DRAM2: variants seen among roughly 807,000 people sequenced by gnomAD.
DRAM2 encodes DNA damage regulated autophagy modulator 2.
Under a neutral mutation model 33.5 loss-of-function variants are expected in DRAM2, and 26 were observed. That is an observed-to-expected ratio of 0.78 (90% CI 0.57 to 1.08). The LOEUF is 1.08. Among genes scored for constraint, DRAM2 ranks in the 50% least tolerant of loss-of-function variants. The pLI, the probability that DRAM2 is intolerant of heterozygous loss-of-function variation, is 0.00. For synonymous variants in DRAM2, 98 were observed against 109.5 expected (o/e 0.89, Z 0.66); for missense variants, 311 against 318.1 (o/e 0.98, Z 0.17).
intron 4 of DRAM2, among the ~76,000 whole-genome samples, chr1:111,126,656 A>AAC (rs1491451747): frequency 1.4e-5 from 1 of 73,176 alleles, no homozygotes; most frequent in African/African-American, 7.8e-5. Flanking sequence ...GGCTTTTCAC[A>AAC]ACTGCCTTTT....
chr1:111,139,788 T>G (rs1253753765), intron 1 of DRAM2, 122 bp from the exon 2 acceptor site: 1 of 152,722 alleles, frequency 6.5e-6, no homozygotes, highest in South Asian at 2.1e-4. Flanking sequence ...TGAGCCCAGC[T>G]GCACTCATCC....
At chr1:111,133,621 C>T (rs932521179) in intron 3 of DRAM2, among the ~76,000 whole-genome samples, 4 of 152,218 alleles carry the variant, frequency 2.6e-5, no homozygotes, top group African/African-American at 9.7e-5. Flanking sequence ...ACCTTAAATA[C>T]ATGAAATAAT....
chr1:111,119,915 C>T lies in DRAM2; in HGVS notation c.562G>A (p.Asp188Asn). The T allele has an allele frequency of 1.9e-6, 3 of 1,612,870 alleles. No homozygotes were observed. The highest frequency in any genetic ancestry group is 2.5e-6 in the Non-Finnish European group (3 of 1,179,146). The change falls in exon 8 of 10, where the codon GAT becomes AAT. Residue 188 changes from aspartate (D) to asparagine (N), a missense_variant. Transcript: ENST00000484310. ...TTCCAATGGAGTTTCTGTTCTAAAT[C>T]AGTCCCAAAATTGCCACTGTGCAAA... is the stretch of plus-strand genomic sequence containing the variant. ...SVLHSGNFGTDLEQKLHWNPE... is the reference protein window; with the variant it reads ...SVLHSGNFGTNLEQKLHWNPE...
At chr1:111,123,834 T>G (rs1650488392) in intron 6 of DRAM2, among the ~76,000 whole-genome samples, 1 of 152,136 alleles carries the variant, frequency 6.6e-6, no homozygotes, top group Non-Finnish European at 1.5e-5. Flanking sequence ...CTTCCTCCCT[T>G]GCCATGTGAG....
intron 8 of DRAM2, 102 bp from the exon 9 acceptor site, chr1:111,118,999 G>C: frequency 1.3e-6 from 1 of 781,172 alleles, no homozygotes; most frequent in Non-Finnish European, 1.9e-6. Context: ...AAATAATGGA[G>C]CTTCTGAAAA....
chr1:111,130,739 T>C (rs1298162071), intron 4 of DRAM2, among the ~76,000 whole-genome samples: 1 of 139,386 alleles, frequency 7.2e-6, no homozygotes, highest in African/African-American at 2.7e-5. Context: ...CTCACACCTG[T>C]TAATTCCAGC....
At chr1:111,124,954 C>A in intron 5 of DRAM2, 73 bp from the exon 6 acceptor site, 1 of 1,314,894 alleles carries the variant, frequency 7.6e-7, no homozygotes. Context: ...GAAGAGTTCA[C>A]AAAGGTCACT....
intron 6 of DRAM2, among the ~76,000 whole-genome samples, chr1:111,122,978 A>G (rs1198263692): frequency 6.6e-6 from 1 of 152,214 alleles, no homozygotes; most frequent in Non-Finnish European, 1.5e-5. Flanking sequence ...TGTGGGTGCT[A>G]TCAAGAACTG....
Position 111,118,816 on chromosome 1 carries a change from G to A in DRAM2, c.682C>T (p.Arg228Cys), listed in dbSNP as rs1006789754. The stretch of plus-strand genomic sequence containing the variant: ...TTGTGCCTTCTTACCTGAAAATCAC[G>A]AATGTAAGTCAGGAAAAAACCAAAG... ...SFFGFFLTYI[R>C]DFQKISLRVE... Residue 228 changes from arginine to cysteine, a missense_variant, in exon 9 of 10, where the codon CGT (arginine) becomes TGT (cysteine). By Grantham distance (180) the Arg-to-Cys change is radical. Transcript: ENST00000484310. The A allele has an allele frequency of 3.1e-6, 5 of 1,606,124 alleles. No individual in the cohort carries two copies. Among genetic ancestry groups the A allele is most frequent in the East Asian group, 2.3e-5 (1 of 44,404 alleles).
chr1:111,133,170 T>C (rs991155863), intron 3 of DRAM2, among the ~76,000 whole-genome samples: 3 of 149,830 alleles, frequency 2.0e-5, no homozygotes, highest in African/African-American at 7.4e-5. Context: ...TGTCTTGTCT[T>C]TACTTACCTT....
chr1:111,137,003 T>C lies in DRAM2; in HGVS notation c.-15+520A>G, dbSNP rs372061112. 6.4e-3 allele frequency among the ~76,000 whole-genome samples: 964 copies of C among 150,332 alleles called. 5 individuals are homozygous for C. Among genetic ancestry groups the C allele is most frequent in the Non-Finnish European group, 9.8e-3 (663 of 67,742 alleles). ...GCACGGTGGCTCGCGCCTGTAATCC[T>C]AGCACTTTGGGAGGTCGAGGCAGGC... On this transcript the variant is annotated intron_variant, in intron 3 of 9. Coordinates refer to ENST00000484310, the MANE Select transcript of DRAM2 (RefSeq NM_001349884.2).
chr1:111,139,992 G>T (rs1261855272), intron 1 of DRAM2, 46 bp downstream of exon 1: 1 of 152,350 alleles, frequency 6.6e-6, no homozygotes, highest in African/African-American at 2.4e-5. Context: ...AGAGGGAGCG[G>T]GCTGCAAGCG....
chr1:111,134,850 G>T (rs1353526425), intron 3 of DRAM2, among the ~76,000 whole-genome samples: 1 of 151,948 alleles, frequency 6.6e-6, no homozygotes, highest in African/African-American at 2.4e-5. Context: ...ATTACAGAGA[G>T]GATCCGTATT....
rs1051060985 is a variant in DRAM2 at position 111,117,920 on chromosome 1, A to C, written c.*240T>G. 2 of 508,010 alleles carry C rather than the reference A, an allele frequency of 3.9e-6. No homozygotes were observed. The highest frequency in any genetic ancestry group is 7.0e-6 in the Non-Finnish European group (2 of 285,352). The allele number at this position is 508,010 out of a possible 1,614,324, so 31.5% of individuals were successfully genotyped here. A position where few individuals can be genotyped will look rare whatever the true frequency, so the allele number is the denominator to read the frequency against. ...AAAACTATGATATCATAGTCTTTTG[A>C]CTTTATTTTCTGAGATAAAAAAGTA... On this transcript the variant is annotated 3_prime_UTR_variant, in exon 10 of 10. Coordinates refer to ENST00000484310, the MANE Select transcript of DRAM2 (RefSeq NM_001349884.2).
chr1:111,118,847 A>G lies in DRAM2; in HGVS notation c.651T>C (p.Phe217=). 1.9e-6 allele frequency: 3 copies of G among 1,610,676 alleles called. No homozygotes were observed. Among genetic ancestry groups the G allele is most frequent in the Non-Finnish European group, 2.5e-6 (3 of 1,177,964 alleles). Residue 217 remains phenylalanine, a synonymous_variant, in exon 9 of 10, where the codon TTT becomes TTC. Transcript: ENST00000484310. The part of the protein sequence containing the change: ...ITTAAEWSMS[F]SFFGFFLTYI... ...AAGTCAGGAAAAAACCAAAGAAGGA[A>G]AATGACATAGACCATTCTGCTGCAG...
chr1:111,120,743 T>C (rs373354532), intron 6 of DRAM2, 50 bp from the exon 7 acceptor site: 77 of 1,418,742 alleles, frequency 5.4e-5, no homozygotes, highest in African/African-American at 7.3e-5. Context: ...TCAGAACACA[T>C]TGGCAACACA....
chr1:111,136,297 T>G (rs903301092), intron 3 of DRAM2, among the ~76,000 whole-genome samples: 3 of 152,180 alleles, frequency 2.0e-5, no homozygotes, highest in Admixed American at 6.5e-5. Context: ...CTGGGTGCGG[T>G]GGCTCAGGCC....
chr1:111,127,463 T>TAA (rs562239697), intron 4 of DRAM2, among the ~76,000 whole-genome samples: 103 of 145,528 alleles, frequency 7.1e-4, no homozygotes, highest in Admixed American at 2.5e-3. Context: ...GTCTTTCTCT[T>TAA]AAAAAAAAAA....
intron 3 of DRAM2, 109 bp from the exon 4 acceptor site, chr1:111,131,677 T>G: frequency 9.9e-7 from 1 of 1,010,258 alleles, no homozygotes; most frequent in Non-Finnish European, 1.4e-6. Context: ...CTGTTTCACC[T>G]CTGAAATCAT....
Sources: gnomAD v4.1 joint callset for allele counts (sites outside exome capture counted in the v4.1 genomes callset) on GRCh38, gnomAD v4.1.1 for gene constraint, MANE v1.5 for transcripts, NCBI Gene and HGNC (gene_info 2026-07-23, HGNC 2026-07-21) for gene names.